PTPRT: variants seen among roughly 807,000 people sequenced by gnomAD.
PTPRT encodes the protein protein tyrosine phosphatase receptor type T.
In PTPRT, 56 loss-of-function variants were observed where a neutral mutation model predicts 176.8. The observed-to-expected ratio is 0.32, with a 90% CI of 0.26 to 0.40. The LOEUF (loss-of-function observed/expected upper bound fraction) is 0.40, where lower values mean the gene tolerates loss of function less well. Among genes scored for constraint, PTPRT ranks in the 10% least tolerant of loss-of-function variants. The pLI is 1.00. For synonymous variants in PTPRT, 783 were observed against 739.0 expected, an observed-to-expected ratio of 1.06 and a Z score of -0.96; for missense variants, 1,540 against 1,908.2, an observed-to-expected ratio of 0.81 and a Z score of 3.60.
intron 2 of PTPRT, among the ~76,000 whole-genome samples, chr20:42,874,690 G>C (rs912148123): frequency 6.6e-6 from 1 of 152,100 alleles, no homozygotes; most frequent in Non-Finnish European, 1.5e-5. Context: ...TTGACATTCT[G>C]GGCCTCAGTT....
chr20:42,033,721 A>G, the PTPRT span, among the ~76,000 whole-genome samples: 17 of 152,252 alleles, frequency 1.1e-4, no homozygotes, highest in African/African-American at 4.1e-4. Flanking sequence ...TAAAACAGGG[A>G]TGGGAAGGGT....
intron 15 of PTPRT, among the ~76,000 whole-genome samples, chr20:42,209,217 T>C (rs982897133): frequency 3.9e-5 from 6 of 152,080 alleles, no homozygotes; most frequent in African/African-American, 1.4e-4. Flanking sequence ...ATTAATACCC[T>C]AACATCACAA....
intron 7 of PTPRT, among the ~76,000 whole-genome samples, chr20:42,610,923 T>A (rs573606053): frequency 9.8e-5 from 12 of 122,594 alleles, no homozygotes; most frequent in African/African-American, 5.0e-4. Flanking sequence ...AACATTGCAA[T>A]ACACTAGTCT....
intron 1 of PTPRT, among the ~76,000 whole-genome samples, chr20:43,086,105 C>T (rs6072973): frequency 6.6e-6 from 1 of 152,170 alleles, no homozygotes; most frequent in Admixed American, 6.5e-5. Context: ...AAGAGCTTCC[C>T]TTCCCTGCAC....
chr20:42,725,353 T>G (rs932524607), intron 6 of PTPRT, among the ~76,000 whole-genome samples: 2 of 151,968 alleles, frequency 1.3e-5, no homozygotes, highest in East Asian at 3.8e-4. Context: ...AAAGAGCAGG[T>G]GCCTTGAGAA....
At chr20:42,595,707 A>C (rs999456079) in intron 7 of PTPRT, among the ~76,000 whole-genome samples, 2 of 152,148 alleles carry the variant, frequency 1.3e-5, no homozygotes, top group African/African-American at 4.8e-5. Flanking sequence ...TTCAGATAGA[A>C]TCTTCCAGAG....
At chr20:42,739,345 G>C (rs1183200112) in intron 6 of PTPRT, among the ~76,000 whole-genome samples, 1 of 152,136 alleles carries the variant, frequency 6.6e-6, no homozygotes, top group East Asian at 1.9e-4. Context: ...CAGGGGAAGA[G>C]AGGAGGATGT....
the PTPRT span, among the ~76,000 whole-genome samples, chr20:42,062,460 C>T: frequency 3.9e-5 from 6 of 152,292 alleles, no homozygotes; most frequent in East Asian, 5.8e-4. Flanking sequence ...TGAAAGATGC[C>T]GTTCTGGGGC....
At chr20:42,590,192 G>A (rs1332794819) in intron 7 of PTPRT, among the ~76,000 whole-genome samples, 1 of 152,184 alleles carries the variant, frequency 6.6e-6, no homozygotes, top group African/African-American at 2.4e-5. Context: ...GCCCCCAGGT[G>A]GCAGCCAGCA....
At chr20:42,044,369 A>G in the PTPRT span, among the ~76,000 whole-genome samples, 1 of 152,242 alleles carries the variant, frequency 6.6e-6, no homozygotes, top group African/African-American at 2.4e-5. Context: ...TGAGGACTTT[A>G]CAACCACTCA....
At chr20:42,237,875 G>A (rs1184143535) in intron 14 of PTPRT, among the ~76,000 whole-genome samples, 1 of 152,106 alleles carries the variant, frequency 6.6e-6, no homozygotes, top group African/African-American at 2.4e-5. Flanking sequence ...AGACAAGAAT[G>A]GTTTCCTTTT....
downstream of PTPRT, among the ~76,000 whole-genome samples, chr20:42,067,845 G>A (rs1425597876): frequency 6.6e-6 from 1 of 152,154 alleles, no homozygotes; most frequent in African/African-American, 2.4e-5. Context: ...CATAGCTGAA[G>A]CCCAGTTTCC....
At chr20:42,139,161 C>T (rs550669447) in intron 18 of PTPRT, among the ~76,000 whole-genome samples, 5 of 151,974 alleles carry the variant, frequency 3.3e-5, no homozygotes, top group South Asian at 2.1e-4. Context: ...TTATGTCTTG[C>T]GCTGCTTTCT....
At chr20:42,821,973 G>A (rs2077902138) in intron 2 of PTPRT, among the ~76,000 whole-genome samples, 1 of 152,110 alleles carries the variant, frequency 6.6e-6, no homozygotes, top group Non-Finnish European at 1.5e-5. Context: ...CTGTGAAAAT[G>A]GCCATAATGC....
chr20:42,405,159 T>C (rs572202200), intron 9 of PTPRT, among the ~76,000 whole-genome samples: 5 of 151,512 alleles, frequency 3.3e-5, no homozygotes, highest in Admixed American at 6.6e-5. Context: ...CATTCTGTTA[T>C]ACAAGTGATT....
At chr20:42,268,908 T>C (rs568953994) in intron 13 of PTPRT, among the ~76,000 whole-genome samples, 1 of 152,156 alleles carries the variant, frequency 6.6e-6, no homozygotes, top group South Asian at 2.1e-4. Flanking sequence ...CGCAAATGGC[T>C]CACAAATACC....
chr20:43,042,298 C>G (rs1044565304), intron 1 of PTPRT, among the ~76,000 whole-genome samples: 7 of 152,190 alleles, frequency 4.6e-5, no homozygotes, highest in Non-Finnish European at 8.8e-5. Context: ...TCTGCAAAGC[C>G]TGTAGGCTGC....
In PTPRT at chr20:42,751,997, C is replaced by T. The variant is rs117519479; in HGVS notation, c.859+4465G>A. ...CCTCTAGAGAACCCTAATAAAAGAC[C>T]CCATGACCCAAATGTCCCCCAGTCC... is the stretch of plus-strand genomic sequence containing the variant. On this transcript the variant is annotated intron_variant, in intron 6 of 30. Transcript: ENST00000373187. Among the ~76,000 whole-genome samples, 1,055 of 152,210 alleles carry T rather than the reference C, an allele frequency of 6.9e-3. 5 individuals carry two copies. The highest frequency in any genetic ancestry group is 0.017 in the Middle Eastern group (5 of 294).
At chr20:42,997,098 G>A (rs888821427) in intron 1 of PTPRT, among the ~76,000 whole-genome samples, 2 of 152,124 alleles carry the variant, frequency 1.3e-5, no homozygotes, top group Non-Finnish European at 1.5e-5. Flanking sequence ...ATCTGTGAAA[G>A]GAGCGGGAAA....
Sources: gnomAD v4.1 joint callset for allele counts (sites outside exome capture counted in the v4.1 genomes callset) on GRCh38, gnomAD v4.1.1 for gene constraint, MANE v1.5 for transcripts, NCBI Gene and HGNC (gene_info 2026-07-23, HGNC 2026-07-21) for gene names.